The following RPL24 variants were observed in gnomAD, a reference collection of about 807,000 sequenced individuals.
RPL24 encodes ribosomal protein L24, also known as large ribosomal subunit protein eL24.
RPL24 carries 7 observed loss-of-function variants against 26.4 expected under a neutral mutation model. The observed-to-expected ratio is 0.27, with a 90% confidence interval of 0.15 to 0.50. The LOEUF (loss-of-function observed/expected upper bound fraction) is 0.50, where lower values mean the gene tolerates loss of function less well. Among genes scored for constraint, RPL24 ranks in the 20% least tolerant of loss-of-function variants. The pLI is 0.98. For missense variants in RPL24, 109 were observed against 194.9 expected (o/e 0.56, Z 2.62); for synonymous variants, 67 against 65.2 (o/e 1.03, Z -0.13).
intron 3 of RPL24, among the ~76,000 whole-genome samples, chr3:101,685,067 T>C (rs1351184132): frequency 6.6e-6 from 1 of 152,078 alleles, no homozygotes; most frequent in Non-Finnish European, 1.5e-5. Context: ...ATAATTTTTA[T>C]GTTTACCCTT....
intron 3 of RPL24, among the ~76,000 whole-genome samples, chr3:101,684,315 G>A (rs530546834): frequency 2.6e-5 from 4 of 151,982 alleles, no homozygotes; most frequent in African/African-American, 9.6e-5. Context: ...ACAGGCACCT[G>A]CCACCATGTC....
chr3:101,686,346 G>C lies in RPL24; in HGVS notation c.81+136C>G, dbSNP rs573071970. 105 of 683,630 alleles carry C rather than the reference G, an allele frequency of 1.5e-4. No homozygotes were observed. In the South Asian group the frequency reaches 1.9e-3, roughly 12 times the overall value. The allele number at this position is 683,630 out of a possible 1,614,324, so 42.3% of individuals were successfully genotyped here. On this transcript the variant is annotated intron_variant, in intron 2 of 5. Transcript: ENST00000394077. ...TCACTTAGAGGTTTCTGGTCCTAAC[G>C]ACCAGTCCACAGAGCGTCCACGAAG...
At position 101,682,987 on chromosome 3, in the gene RPL24, C is replaced by A; in HGVS notation, c.193-80G>T. ...GGAGGAAAAATTAAGTCTTTTAAGACAGGGCAAATGAAGTATTTTAAGATT... is the reference window on the plus strand; with the variant it reads ...GGAGGAAAAATTAAGTCTTTTAAGAAAGGGCAAATGAAGTATTTTAAGATT... On this transcript the variant is annotated intron_variant, in intron 3 of 5. Transcript: ENST00000394077. 2.3e-6 allele frequency: 3 copies of A among 1,277,230 alleles called. No homozygotes were observed. In the East Asian group the frequency reaches 7.1e-5, roughly 30 times the overall value. 79.1% of individuals were successfully genotyped at this position (1,277,230 alleles called of 1,614,324 possible).
In RPL24 at chr3:101,681,136, T is replaced by C. The variant is rs772000583; in HGVS notation, c.473A>G (p.Ter158=). The C allele has an allele frequency of 6.6e-5, 106 of 1,605,334 alleles. 1 individual carries two copies. The highest frequency in any genetic ancestry group is 8.7e-5 in the Non-Finnish European group (102 of 1,172,158). The change falls in exon 6 of 6, where the codon TAA becomes TGA. Residue 158 remains the stop codon, a stop_retained_variant. Transcript: ENST00000394077. ...TATTTAAAAATCTAATCTGCCAGTT[T>C]AGCGTTTTCCACCAACTCGGGGAGC... The part of the protein sequence containing the change: ...VSAPRVGGKR[*]
chr3:101,686,458 G>T (rs748081560), intron 2 of RPL24, 24 bp downstream of exon 2: 5 of 1,608,254 alleles, frequency 3.1e-6, no homozygotes, highest in Non-Finnish European at 3.4e-6. Context: ...CAAGAAGGTA[G>T]GTGAAGCCGA....
chr3:101,682,713 A>G, intron 4 of RPL24, 58 bp downstream of exon 4: 3 of 1,537,738 alleles, frequency 2.0e-6, no homozygotes, highest in Non-Finnish European at 2.7e-6. Context: ...ATTACTGAAG[A>G]CCCAAACCTA....
intron 3 of RPL24, among the ~76,000 whole-genome samples, chr3:101,684,603 G>T (rs1559993131): frequency 6.6e-6 from 1 of 151,890 alleles, no homozygotes; most frequent in Non-Finnish European, 1.5e-5. Flanking sequence ...ACATCGCAAA[G>T]ATTTCTGTCT....
At chr3:101,686,625 T>G in intron 1 of RPL24, 47 bp downstream of exon 1, 1 of 1,614,044 alleles carries the variant, frequency 6.2e-7, no homozygotes. Flanking sequence ...CAGAGAGGAG[T>G]TCTGCCCGAG....
At position 101,682,646 on chromosome 3, in the gene RPL24, T is replaced by C. The variant is rs975505356; in HGVS notation, c.329+125A>G. 25 of 1,222,550 alleles carry C rather than the reference T, an allele frequency of 2.0e-5. No homozygotes were observed. The Admixed American group carries it at 4.0e-4, about 19-fold the overall frequency. 75.7% of individuals were successfully genotyped at this position (1,222,550 alleles called of 1,614,324 possible). A position where few individuals can be genotyped will look rare whatever the true frequency, so the allele number is the denominator to read the frequency against. On this transcript the variant is annotated intron_variant, in intron 4 of 5. Coordinates refer to ENST00000394077, the MANE Select transcript of RPL24 (RefSeq NM_000986.4). The stretch of plus-strand genomic sequence containing the variant: ...AGGCTAAATCCAAAGAATTTGTCAA[T>C]AATTTTCATTAACCACCAAATCAGC...
intron 3 of RPL24, among the ~76,000 whole-genome samples, chr3:101,683,707 C>CTTTTTT (rs541871888): frequency 1.5e-5 from 2 of 130,870 alleles, no homozygotes; most frequent in Non-Finnish European, 1.6e-5. Flanking sequence ...TTTTTCTTTT[C>CTTTTTT]TTTTTTTTTT....
chr3:101,685,718 G>T, intron 3 of RPL24, 100 bp downstream of exon 3: 2 of 612,136 alleles, frequency 3.3e-6, no homozygotes, highest in Non-Finnish European at 5.9e-6. Flanking sequence ...GAGCTCTTTC[G>T]CATACAGTCT....
chr3:101,682,078 T>G (rs1232246625), intron 5 of RPL24: 1 of 196,208 alleles, frequency 5.1e-6, no homozygotes. Context: ...CCAGCCGGGC[T>G]CAGTGGCTCA....
At chr3:101,681,310 CTT>C in intron 5 of RPL24, 95 bp from the exon 6 acceptor site, 2 of 829,342 alleles carry the variant, frequency 2.4e-6, no homozygotes, top group East Asian at 4.9e-5. Flanking sequence ...GCTTAGATCA[CTT>C]TCTTAGTAAT....
intron 3 of RPL24, among the ~76,000 whole-genome samples, chr3:101,684,236 C>G (rs1390885132): frequency 1.3e-5 from 2 of 151,748 alleles, no homozygotes; most frequent in Non-Finnish European, 1.5e-5. Context: ...ACAATCCCAG[C>G]TCACTGCAAC....
In RPL24 at chr3:101,681,186, C is replaced by T; in HGVS notation, c.423G>A (p.Lys141=). ...KAPTKAAPKQ[K]IVKPVKVSAP... is the part of the protein sequence containing the mutation. ...CTGAAACTTTCACAGGCTTCACAAT[C>T]TTTTGCTTAGGTGCTGCCTTTGTAG... Residue 141 remains lysine, a synonymous_variant, in exon 6 of 6, where the codon AAG becomes AAA. Coordinates refer to ENST00000394077, the MANE Select transcript of RPL24 (RefSeq NM_000986.4). 6.2e-7 allele frequency: 1 copy of T among 1,613,946 alleles called. No individual in the cohort carries two copies. The highest frequency in any genetic ancestry group is 1.1e-5 in the South Asian group (1 of 91,066).
At position 101,683,707 on chromosome 3, in the gene RPL24, C is replaced by CTT. The variant is rs541871888; in HGVS notation, c.193-802_193-801dup. On this transcript the variant is annotated intron_variant, in intron 3 of 5. Transcript: ENST00000394077. ...ATTTTAACCTTTTGGTTTTTCTTTTCTTTTTTTTTTTTTTTTTTAAAGACT... is the reference window on the plus strand; with the variant it reads ...ATTTTAACCTTTTGGTTTTTCTTTTCTTTTTTTTTTTTTTTTTTTTAAAGACT... Among the ~76,000 whole-genome samples the CTT allele has an allele frequency of 3.0e-3, 393 of 130,840 alleles. 1 individual carries two copies. The highest frequency in any genetic ancestry group is 5.2e-3 in the Admixed American group (68 of 12,958). 85.8% of individuals were successfully genotyped at this position (130,840 alleles called of 152,430 possible). A position where few individuals can be genotyped will look rare whatever the true frequency, so the allele number is the denominator to read the frequency against.
At chr3:101,686,651 G>A in intron 1 of RPL24, 21 bp downstream of exon 1, 1 of 1,614,266 alleles carries the variant, frequency 6.2e-7, no homozygotes, top group South Asian at 1.1e-5. Context: ...AAGCGGATTG[G>A]GAACCACGGG....
At chr3:101,683,550 T>C (rs994797658) in intron 3 of RPL24, among the ~76,000 whole-genome samples, 1 of 152,198 alleles carries the variant, frequency 6.6e-6, no homozygotes, top group Non-Finnish European at 1.5e-5. Flanking sequence ...TTTAGAAAGA[T>C]GCAATCTTAT....
chr3:101,681,583 A>C (rs1043432807), intron 5 of RPL24: 8 of 184,556 alleles, frequency 4.3e-5, no homozygotes, highest in Non-Finnish European at 9.1e-5. Flanking sequence ...GGCATGGTGC[A>C]GGGGCTCATC....
Sources: gnomAD v4.1 joint callset for allele counts (sites outside exome capture counted in the v4.1 genomes callset) on GRCh38, gnomAD v4.1.1 for gene constraint, MANE v1.5 for transcripts, NCBI Gene and HGNC (gene_info 2026-07-23, HGNC 2026-07-21) for gene names.